The following NUCB1 variants were observed in gnomAD, a reference collection of about 807,000 sequenced individuals.
The protein encoded by NUCB1 is nucleobindin 1.
In NUCB1, 47 loss-of-function variants were observed where a neutral mutation model predicts 61.2. The ratio of observed to expected loss-of-function variants is 0.77; its 90% CI spans 0.61 to 0.98. NUCB1 has a LOEUF of 0.98. Ranked by LOEUF, NUCB1 falls within the 50% of genes least tolerant of loss-of-function variation. NUCB1 has a pLI of 0.00. For missense variants in NUCB1, 583 were observed against 605.3 expected (o/e 0.96, Z 0.39); for synonymous variants, 234 against 243.1 (o/e 0.96, Z 0.35).
intron 10 of NUCB1, among the ~76,000 whole-genome samples, chr19:48,919,611 G>A (rs1383421459): frequency 6.6e-6 from 1 of 151,648 alleles, no homozygotes; most frequent in South Asian, 2.1e-4. Flanking sequence ...TTGAGTAGCT[G>A]GGATTATAGG....
Position 48,913,574 on chromosome 19 carries a change from G to A in NUCB1, c.757+10G>A, listed in dbSNP as rs752286059. ...TTCTTCATACTGCATGGTAAGGTGG[G>A]GAGGGAGTTCCAGAGCCAGGATGAA... On this transcript the variant is annotated intron_variant, in intron 7 of 12. Coordinates refer to ENST00000405315, the MANE Select transcript of NUCB1 (RefSeq NM_006184.6). 3.1e-6 allele frequency: 5 copies of A among 1,608,738 alleles called. No individual in the cohort carries two copies. The highest frequency in any genetic ancestry group is 1.1e-5 in the South Asian group (1 of 90,952).
intron 2 of NUCB1, 45 bp downstream of exon 2, chr19:48,900,976 A>G: frequency 6.2e-7 from 1 of 1,610,616 alleles, no homozygotes. Flanking sequence ...TTGCAGTGGT[A>G]CTACAGCTCC....
intron 4 of NUCB1, among the ~76,000 whole-genome samples, chr19:48,906,456 G>C (rs936692142): frequency 1.3e-5 from 2 of 151,816 alleles, no homozygotes; most frequent in Middle Eastern, 6.8e-3. Flanking sequence ...GCCGGGTGCA[G>C]TGGCTCACGC....
rs932824811 is a variant in NUCB1, at chr19:48,922,624, T to C, written c.*200T>C. 21 of 562,612 alleles carry C rather than the reference T, an allele frequency of 3.7e-5. No individual in the cohort carries two copies. Among genetic ancestry groups the C allele is most frequent in the Non-Finnish European group, 6.7e-5 (21 of 312,644 alleles). 34.9% of individuals were successfully genotyped at this position (562,612 alleles called of 1,614,324 possible). ...TCACAGCCTCCAAGTCTGTGGCTCTTCCCTTCTGTCCTCCGAGGGGCTTGC... is the reference window on the plus strand; with the variant it reads ...TCACAGCCTCCAAGTCTGTGGCTCTCCCCTTCTGTCCTCCGAGGGGCTTGC... On this transcript the variant is annotated 3_prime_UTR_variant, in exon 13 of 13. Transcript: ENST00000405315.
At chr19:48,902,438 TA>T (rs1364349515) in intron 2 of NUCB1, among the ~76,000 whole-genome samples, 144 of 138,528 alleles carry the variant, frequency 1.0e-3, no homozygotes, top group African/African-American at 3.0e-3. Context: ...TTTTTTTTTT[TA>T]TTTTTGCTGT....
intron 10 of NUCB1, among the ~76,000 whole-genome samples, chr19:48,920,142 C>T (rs145212494): frequency 1.1e-4 from 16 of 152,126 alleles, no homozygotes; most frequent in African/African-American, 3.9e-4. Flanking sequence ...CTCCTGGACT[C>T]AAGCTATCCA....
chr19:48,911,096 G>A, intron 4 of NUCB1, 53 bp from the exon 5 acceptor site: 3 of 1,325,084 alleles, frequency 2.3e-6, no homozygotes. Flanking sequence ...GGCCCAAGAT[G>A]GGGGTTCTGA....
At position 48,900,842 on chromosome 19, in the gene NUCB1, C is replaced by T. The variant is rs1240988273; in HGVS notation, c.46C>T (p.Leu16=). Residue 16 remains leucine, a synonymous_variant, in exon 2 of 13, where the codon CTG becomes TTG. Coordinates refer to ENST00000405315, the MANE Select transcript of NUCB1 (RefSeq NM_006184.6). ...PRGTLLLLPL[L]LLLLLRAVLA... ...AGGAACCCTCCTTCTGTTGCCGCTG[C>T]TGCTGCTGCTCCTGCTTCGCGCCGT... The T allele has an allele frequency of 6.2e-7, 1 of 1,613,816 alleles. No individual in the cohort carries two copies.
At position 48,911,077 on chromosome 19, in the gene NUCB1, A is replaced by G. The variant is rs1568585581; in HGVS notation, c.377-72A>G. The G allele has an allele frequency of 3.5e-6, 4 of 1,140,220 alleles. No individual in the cohort carries two copies. In the East Asian group the frequency reaches 9.9e-5, roughly 28 times the overall value. 70.6% of individuals were successfully genotyped at this position (1,140,220 alleles called of 1,614,324 possible). On this transcript the variant is annotated intron_variant, in intron 4 of 12. Coordinates refer to ENST00000405315, the MANE Select transcript of NUCB1 (RefSeq NM_006184.6). ...CTAGTGCTGTCCGTGACTTCTTTGG[A>G]TCATGTCTGGCCCAAGATGGGGGTT... is the stretch of plus-strand genomic sequence containing the variant.
At chr19:48,921,109 G>A (rs572844638) in intron 10 of NUCB1, 45 bp from the exon 11 acceptor site, 17 of 1,554,666 alleles carry the variant, frequency 1.1e-5, no homozygotes, top group Admixed American at 3.8e-5. Context: ...TGGGTGGGCC[G>A]AGGTTGGACC....
chr19:48,905,806 G>C lies in NUCB1; in HGVS notation c.297G>C (p.Lys99Asn), dbSNP rs771211178. 1 of 1,614,026 alleles carries C rather than the reference G, an allele frequency of 6.2e-7. No individual in the cohort carries two copies. The highest frequency in any genetic ancestry group is 8.5e-7 in the Non-Finnish European group (1 of 1,180,006). ...LDFVSHHVRT[K>N]LDELKRQEVS... ...TTGTCAGCCACCACGTCCGCACCAA[G>C]CTGGATGAGCTCAAGCGACAGGAGG... Residue 99 changes from lysine to asparagine, a missense_variant, in exon 4 of 13, where the codon AAG becomes AAC. Coordinates refer to ENST00000405315, the MANE Select transcript of NUCB1 (RefSeq NM_006184.6).
In NUCB1 at chr19:48,904,419, G is replaced by A. The variant is rs778687766; in HGVS notation, c.208G>A (p.Glu70Lys). Residue 70 changes from glutamate (E) to lysine (K), a missense_variant, in exon 3 of 13, where the codon GAG becomes AAG. Physicochemically the swap from Glu to Lys is moderately conservative, Grantham distance 56 (BLOSUM62 1). Transcript: ENST00000405315. ...ACTGGAGACGGATGGGCATTTCCGA[G>A]AGAAGCTGCAGGCTGCCAATGCGGA... ...DVLETDGHFR[E>K]KLQAANAEDI... 1 of 1,613,462 alleles carries A rather than the reference G, an allele frequency of 6.2e-7. No homozygotes were observed. Among genetic ancestry groups the A allele is most frequent in the East Asian group, 2.2e-5 (1 of 44,866 alleles).
At chr19:48,910,448 G>A (rs1163633361) in intron 4 of NUCB1, among the ~76,000 whole-genome samples, 1 of 151,658 alleles carries the variant, frequency 6.6e-6, no homozygotes, top group Non-Finnish European at 1.5e-5. Context: ...CACTTTGGGA[G>A]GCCGAGGTGG....
intron 4 of NUCB1, among the ~76,000 whole-genome samples, chr19:48,910,685 A>G (rs1300441460): frequency 6.6e-6 from 1 of 151,792 alleles, no homozygotes; most frequent in Non-Finnish European, 1.5e-5. Context: ...AAAAAAAAAA[A>G]AAGAAGGAAA....
chr19:48,918,950 G>T, intron 8 of NUCB1, 80 bp from the exon 9 acceptor site: 1 of 1,446,240 alleles, frequency 6.9e-7, no homozygotes, highest in South Asian at 1.2e-5. Flanking sequence ...GTGCCCAAAG[G>T]ACTGCTGGGA....
intron 4 of NUCB1, among the ~76,000 whole-genome samples, chr19:48,909,224 T>C (rs1394044654): frequency 6.7e-6 from 1 of 149,682 alleles, no homozygotes; most frequent in Non-Finnish European, 1.5e-5. Context: ...TCCATTATTA[T>C]TTTTTATTAA....
At position 48,922,478 on chromosome 19, in the gene NUCB1, C is replaced by A; in HGVS notation, c.*54C>A. 1 of 1,443,718 alleles carries A rather than the reference C, an allele frequency of 6.9e-7. No homozygotes were observed. The highest frequency in any genetic ancestry group is 9.7e-7 in the Non-Finnish European group (1 of 1,027,582). The allele number at this position is 1,443,718 out of a possible 1,614,324, so 89.4% of individuals were successfully genotyped here. A position where few individuals can be genotyped will look rare whatever the true frequency, so the allele number is the denominator to read the frequency against. The stretch of plus-strand genomic sequence containing the variant: ...CTGATGCTCCAAGGCGACTGATGGG[C>A]GCTGGATGAAGTGGCACAGTCAGCT... On this transcript the variant is annotated 3_prime_UTR_variant, in exon 13 of 13. Coordinates refer to ENST00000405315, the MANE Select transcript of NUCB1 (RefSeq NM_006184.6).
intron 6 of NUCB1, 37 bp downstream of exon 6, chr19:48,913,233 C>T: frequency 5.1e-6 from 8 of 1,565,496 alleles, no homozygotes; most frequent in Non-Finnish European, 6.9e-6. Context: ...CTCCCTACCA[C>T]ATCCAGTTCA....
chr19:48,911,370 A>T, intron 5 of NUCB1, 118 bp downstream of exon 5: 5 of 620,030 alleles, frequency 8.1e-6, no homozygotes, highest in Non-Finnish European at 8.7e-6. Flanking sequence ...CTGAGGTTGG[A>T]GGCTGGTAGA....
Sources: gnomAD v4.1 joint callset for allele counts (sites outside exome capture counted in the v4.1 genomes callset) on GRCh38, gnomAD v4.1.1 for gene constraint, MANE v1.5 for transcripts, NCBI Gene and HGNC (gene_info 2026-07-23, HGNC 2026-07-21) for gene names.